Variants in IPMK observed in about 807,000 individuals in gnomAD.
IPMK encodes the protein inositol polyphosphate multikinase.
A neutral mutation model predicts 45.8 loss-of-function variants in IPMK; 17 were observed. The ratio of observed to expected loss-of-function variants is 0.37; its 90% CI spans 0.25 to 0.56. The LOEUF is 0.56. Ranked by LOEUF, IPMK falls within the 20% of genes least tolerant of loss-of-function variation. IPMK has a pLI of 0.79. For synonymous variants in IPMK, 180 were observed against 184.3 expected, an observed-to-expected ratio of 0.98 and a Z score of 0.19; for missense variants, 399 against 498.0, an observed-to-expected ratio of 0.80 and a Z score of 1.89.
intron 3 of IPMK, among the ~76,000 whole-genome samples, chr10:58,217,688 C>CAGAAAAAAAAA (rs1838266499): frequency 1.2e-4 from 6 of 49,266 alleles, no homozygotes; most frequent in Admixed American, 1.0e-3. Context: ...AACTCCATCT[C>CAGAAAAAAAAA]AAAAAAAAAA....
intron 4 of IPMK, among the ~76,000 whole-genome samples, chr10:58,201,822 G>C (rs140747581): frequency 6.6e-6 from 1 of 152,190 alleles, no homozygotes; most frequent in Non-Finnish European, 1.5e-5. Flanking sequence ...AATTCAGAGT[G>C]CTAACTACAG....
intron 5 of IPMK, 97 bp from the exon 6 acceptor site, chr10:58,196,795 C>T (rs2790149): frequency 0.26 from 215,441 of 840,830 alleles, 33,112 homozygotes; most frequent in African/African-American, 0.61. Flanking sequence ...TTTTCCCCAT[C>T]ATCCCTTAGA....
chr10:58,256,826 C>T (rs2590354), intron 1 of IPMK, among the ~76,000 whole-genome samples: 51,210 of 151,762 alleles, frequency 0.34, 10,828 homozygotes, highest in African/African-American at 0.61. Flanking sequence ...CTGGTTCCCC[C>T]GAAAGACAAG....
chr10:58,196,335 C>T lies in IPMK; in HGVS notation c.992G>A (p.Ser331Asn), dbSNP rs1323722475. The change falls in exon 6 of 6, where the codon AGT (serine) becomes AAT (asparagine). Residue 331 changes from serine (S) to asparagine (N), a missense_variant. This residue lies in a region of IPMK where 288 missense variants were observed against 398.0 expected (regional missense o/e 0.72). Coordinates refer to ENST00000373935, the MANE Select transcript of IPMK (RefSeq NM_152230.5). ...HRKIYTKKHH[S>N]QTSLKVENLE... ...ATTTTCAACTTTCAATGAAGTCTGACTGTGATGCTTTTTTGTATATATTTT... is the reference window on the plus strand; with the variant it reads ...ATTTTCAACTTTCAATGAAGTCTGATTGTGATGCTTTTTTGTATATATTTT... The T allele has an allele frequency of 6.2e-7, 1 of 1,614,150 alleles. No individual in the cohort carries two copies. Among genetic ancestry groups the T allele is most frequent in the East Asian group, 2.2e-5 (1 of 44,868 alleles).
At chr10:58,223,758 G>T (rs1838372147) in intron 3 of IPMK, among the ~76,000 whole-genome samples, 1 of 152,174 alleles carries the variant, frequency 6.6e-6, no homozygotes, top group Admixed American at 6.5e-5. Context: ...AAGGTGATTG[G>T]ATTATGGGGT....
intron 5 of IPMK, among the ~76,000 whole-genome samples, chr10:58,197,671 A>T (rs1223107976): frequency 1.5e-5 from 1 of 66,152 alleles, no homozygotes; most frequent in African/African-American, 1.7e-4. Flanking sequence ...AAAAGAAAAG[A>T]AAAAAAAAAA....
intron 2 of IPMK, among the ~76,000 whole-genome samples, chr10:58,228,917 A>C (rs997656989): frequency 6.6e-6 from 1 of 152,234 alleles, no homozygotes; most frequent in Non-Finnish European, 1.5e-5. Context: ...CCTATGAAAC[A>C]AAAGTGTTAA....
chr10:58,249,115 CA>C, intron 1 of IPMK, among the ~76,000 whole-genome samples: 1 of 152,326 alleles, frequency 6.6e-6, no homozygotes, highest in Non-Finnish European at 1.5e-5. Flanking sequence ...TACTATTTCC[CA>C]AAGTGGCTAT....
rs750168956 is a variant in IPMK at position 58,196,233 on chromosome 10, A to C, written c.1094T>G (p.Val365Gly). ...GCAACCAGTGGGAAGATGGTAGAAA[A>C]CTTTTTCCAGTTGGGAAAGTACATT... ...NGNVLSQLEK[V>G]FYHLPTGCQE... Residue 365 changes from valine (V) to glycine (G), a missense_variant, in exon 6 of 6, where the codon GTT becomes GGT. Physicochemically the swap from Val to Gly is moderately radical, Grantham distance 109. Coordinates refer to ENST00000373935, the MANE Select transcript of IPMK (RefSeq NM_152230.5). 1 of 1,614,058 alleles carries C rather than the reference A, an allele frequency of 6.2e-7. No individual in the cohort carries two copies. Among genetic ancestry groups the C allele is most frequent in the Non-Finnish European group, 8.5e-7 (1 of 1,179,946 alleles).
Position 58,194,044 on chromosome 10 carries a change from G to A in IPMK, c.*2032C>T, listed in dbSNP as rs1375257861. On this transcript the variant is annotated 3_prime_UTR_variant, in exon 6 of 6. Transcript: ENST00000373935. ...AAACATGATCTATTGTATCAAAAAG[G>A]TAAGACATTGATTTTACAAAATTGT... is the stretch of plus-strand genomic sequence containing the variant. 2.0e-5 allele frequency: 3 copies of A among 151,696 alleles called. No homozygotes were observed. The highest frequency in any genetic ancestry group is 4.4e-5 in the Non-Finnish European group (3 of 67,698). The allele number at this position is 151,696 out of a possible 1,614,324, so 9.4% of individuals were successfully genotyped here.
intron 4 of IPMK, among the ~76,000 whole-genome samples, chr10:58,205,810 T>C (rs890640125): frequency 6.6e-6 from 1 of 152,148 alleles, no homozygotes; most frequent in African/African-American, 2.4e-5. Flanking sequence ...AACAAAAAAC[T>C]GTACCCCAAA....
chr10:58,230,427 G>A (rs2590318), intron 2 of IPMK, among the ~76,000 whole-genome samples: 20,384 of 152,110 alleles, frequency 0.13, 1,711 homozygotes, highest in African/African-American at 0.24. Flanking sequence ...TCATATAGGC[G>A]GCTGCCCCTC....
chr10:58,201,957 G>C (rs1048382359), intron 4 of IPMK, among the ~76,000 whole-genome samples: 2 of 152,190 alleles, frequency 1.3e-5, no homozygotes, highest in Non-Finnish European at 2.9e-5. Flanking sequence ...TCCAGGGTAA[G>C]ACTCTCTTCA....
chr10:58,235,856 G>A (rs1413053159), intron 2 of IPMK, among the ~76,000 whole-genome samples: 3 of 151,558 alleles, frequency 2.0e-5, no homozygotes, highest in Non-Finnish European at 4.4e-5. Flanking sequence ...ACAACCAGTA[G>A]GCTGTTGTGA....
intron 2 of IPMK, among the ~76,000 whole-genome samples, chr10:58,235,889 C>A (rs1236958816): frequency 2.0e-5 from 3 of 150,122 alleles, no homozygotes; most frequent in Non-Finnish European, 3.0e-5. Flanking sequence ...TAAGTTCTAT[C>A]AAGCCTTTAA....
chr10:58,211,457 T>C (rs1588954550), intron 4 of IPMK, among the ~76,000 whole-genome samples: 1 of 152,030 alleles, frequency 6.6e-6, no homozygotes, highest in Non-Finnish European at 1.5e-5. Context: ...CCTTGCAAAG[T>C]GCTGGGATTA....
intron 4 of IPMK, among the ~76,000 whole-genome samples, chr10:58,211,810 G>GA (rs71030401): frequency 1 from 147,489 of 147,492 alleles, 73,743 homozygotes; most frequent in Middle Eastern, 1. Flanking sequence ...CTACTCGGAA[G>GA]AGGCTGAGGC....
chr10:58,238,204 G>A (rs1296660963), intron 1 of IPMK, among the ~76,000 whole-genome samples: 1 of 152,178 alleles, frequency 6.6e-6, no homozygotes, highest in African/African-American at 2.4e-5. Flanking sequence ...AACCAGAAAA[G>A]AACATATGTG....
chr10:58,262,624 T>C (rs1839089594), intron 1 of IPMK, among the ~76,000 whole-genome samples: 1 of 152,198 alleles, frequency 6.6e-6, no homozygotes, highest in Admixed American at 6.5e-5. Flanking sequence ...AAGAAATGGT[T>C]GACTCTAGGG....
Sources: allele counts gnomAD v4.1 joint callset (sites outside exome capture counted in the v4.1 genomes callset), GRCh38; gene constraint gnomAD v4.1.1; regional missense constraint gnomAD v4.1.1; transcripts MANE v1.5; gene names NCBI Gene and HGNC (gene_info 2026-07-23, HGNC 2026-07-21).